The following USP4 variants were observed in gnomAD, a reference collection of about 807,000 sequenced individuals.
USP4 encodes the protein ubiquitin carboxyl-terminal hydrolase 4.
A neutral mutation model predicts 118.2 loss-of-function variants in USP4; 72 were observed. That is an observed-to-expected ratio of 0.61 (90% CI 0.50 to 0.74). The LOEUF (loss-of-function observed/expected upper bound fraction) is 0.74, where lower values mean the gene tolerates loss of function less well. Ranked by LOEUF, USP4 falls within the 30% of genes least tolerant of loss-of-function variation. The pLI is 0.00. For missense variants in USP4, 1,037 were observed against 1,185.7 expected, an observed-to-expected ratio of 0.87 and a Z score of 1.84; for synonymous variants, 415 against 440.4, an observed-to-expected ratio of 0.94 and a Z score of 0.72.
chr3:49,327,645 G>A (rs992222136), intron 3 of USP4, 41 bp downstream of exon 3: 2 of 1,611,594 alleles, frequency 1.2e-6, no homozygotes, highest in Non-Finnish European at 1.7e-6. Flanking sequence ...GAAAGCACCT[G>A]CAGACAGTGA....
At chr3:49,305,218 G>A (rs1411059118) in intron 9 of USP4, among the ~76,000 whole-genome samples, 1 of 146,732 alleles carries the variant, frequency 6.8e-6, no homozygotes. Flanking sequence ...GACTACAGGC[G>A]CCTGCCATCA....
Position 49,302,299 on chromosome 3 carries a change from T to G in USP4, c.1287+85A>C, listed in dbSNP as rs1016456762. On this transcript the variant is annotated intron_variant, in intron 10 of 21. Coordinates refer to ENST00000265560, the MANE Select transcript of USP4 (RefSeq NM_003363.4). ...GCAACCAGGGCCCTGGCAACAACAC[T>G]CAAAGACCAGAAGAATATCCCTGCA... 2.0e-5 allele frequency: 28 copies of G among 1,432,370 alleles called. No homozygotes were observed. In the African/African-American group the frequency reaches 3.8e-4, roughly 19 times the overall value. The allele number at this position is 1,432,370 out of a possible 1,614,324, so 88.7% of individuals were successfully genotyped here.
At chr3:49,294,340 T>G in intron 14 of USP4, 67 bp downstream of exon 14, 1 of 1,510,120 alleles carries the variant, frequency 6.6e-7, no homozygotes, top group East Asian at 2.3e-5. Context: ...TTGGCAGGAG[T>G]TGCCACTACT....
At chr3:49,299,861 A>ACT (rs1430505410) in intron 11 of USP4, among the ~76,000 whole-genome samples, 1 of 152,158 alleles carries the variant, frequency 6.6e-6, no homozygotes, top group East Asian at 1.9e-4. Flanking sequence ...CTGAGTACGA[A>ACT]AAGAACCGTG....
chr3:49,304,629 G>A (rs969323605), intron 9 of USP4, among the ~76,000 whole-genome samples: 19 of 152,112 alleles, frequency 1.2e-4, no homozygotes, highest in African/African-American at 4.3e-4. Context: ...GGTCTCTGTC[G>A]CCAAGGCTGG....
At chr3:49,329,906 G>A (rs753795157) in intron 2 of USP4, among the ~76,000 whole-genome samples, 5 of 152,120 alleles carry the variant, frequency 3.3e-5, no homozygotes, top group Non-Finnish European at 7.3e-5. Context: ...TCGGCAGGCT[G>A]AGGCGGGAGG....
rs2047088992 is a variant in USP4, at chr3:49,286,167, G to A, written c.2131C>T (p.Leu711Phe). The A allele has an allele frequency of 6.2e-7, 1 of 1,614,186 alleles. No individual in the cohort carries two copies. Among genetic ancestry groups the A allele is most frequent in the South Asian group, 1.1e-5 (1 of 91,086 alleles). The stretch of plus-strand genomic sequence containing the variant: ...TCAGCTGTTCCATAGGAGTTCACAA[G>A]ACTGAAGGTAAAAAGCCTTTTTGGG... ...PCPKRLFTFS[L>F]VNSYGTADIN... is the part of the protein sequence containing the mutation. The change falls in exon 16 of 22, where the codon CTT becomes TTT. Residue 711 changes from leucine to phenylalanine, a missense_variant. Around this residue, in one of 3 missense-constraint regions of USP4, gnomAD observed 522 missense variants for 592.6 expected, o/e 0.88. Coordinates refer to ENST00000265560, the MANE Select transcript of USP4 (RefSeq NM_003363.4).
chr3:49,303,977 T>G (rs954605770), intron 9 of USP4, among the ~76,000 whole-genome samples: 1 of 152,060 alleles, frequency 6.6e-6, no homozygotes, highest in African/African-American at 2.4e-5. Context: ...GGTCTTGAAC[T>G]CCTGACCTCA....
chr3:49,335,581 G>C lies in USP4; in HGVS notation c.117C>G (p.Ser39Arg). ...QRGAQWYLID[S>R]RWFKQWKKYV... is the part of the protein sequence containing the mutation. ...ACTTCTTCCACTGCTTGAACCACCGGCTGTCAATAAGATACCTAGAGAGAG... is the reference window on the plus strand; with the variant it reads ...ACTTCTTCCACTGCTTGAACCACCGCCTGTCAATAAGATACCTAGAGAGAG... The change falls in exon 2 of 22, where the codon AGC becomes AGG. Residue 39 changes from serine to arginine, a missense_variant. This residue lies in a region of USP4 where 487 missense variants were observed against 534.1 expected (regional missense o/e 0.91). Transcript: ENST00000265560. The C allele has an allele frequency of 1.2e-6, 2 of 1,614,156 alleles. No individual in the cohort carries two copies. The highest frequency in any genetic ancestry group is 1.7e-6 in the Non-Finnish European group (2 of 1,180,032).
At chr3:49,327,929 G>A (rs947666723) in intron 2 of USP4, 113 bp from the exon 3 acceptor site, 181 of 1,132,450 alleles carry the variant, frequency 1.6e-4, no homozygotes, top group Non-Finnish European at 2.1e-4. Flanking sequence ...AAAGAAACAG[G>A]AATGAAATTC....
chr3:49,311,801 G>A, intron 6 of USP4, 147 bp from the exon 7 acceptor site: 2 of 1,366,794 alleles, frequency 1.5e-6, no homozygotes, highest in Admixed American at 3.0e-5. Flanking sequence ...CTACTTCAAG[G>A]TAAACTTTAT....
intron 2 of USP4, among the ~76,000 whole-genome samples, chr3:49,330,610 C>T (rs1183737552): frequency 2.0e-5 from 3 of 151,764 alleles, no homozygotes; most frequent in African/African-American, 7.3e-5. Context: ...GGATAACAGG[C>T]GTAAGCCACT....
intron 9 of USP4, among the ~76,000 whole-genome samples, chr3:49,305,012 T>G (rs1284810007): frequency 1.3e-5 from 2 of 151,694 alleles, no homozygotes; most frequent in Non-Finnish European, 2.9e-5. Context: ...TCTGCCCGCC[T>G]CAGCCTCCCA....
At chr3:49,319,179 T>C (rs1173964606) in intron 6 of USP4, among the ~76,000 whole-genome samples, 2 of 151,980 alleles carry the variant, frequency 1.3e-5, no homozygotes, top group Admixed American at 6.6e-5. Flanking sequence ...ACTGACTCTA[T>C]TGGTAGGTTT....
Position 49,327,023 on chromosome 3 carries a change from A to T in USP4, c.360+663T>A, listed in dbSNP as rs190700840. ...CTCAAAGACTCTTAAGCATAGAGGG[A>T]AAAGCAGTATCATAAAGGTTTTTTA... On this transcript the variant is annotated intron_variant, in intron 3 of 21. Coordinates refer to ENST00000265560, the MANE Select transcript of USP4 (RefSeq NM_003363.4). Among the ~76,000 whole-genome samples, 3 of 152,268 alleles carry T rather than the reference A, an allele frequency of 2.0e-5. No homozygotes were observed. In the East Asian group the frequency reaches 5.8e-4, roughly 29 times the overall value.
rs552777565 is a variant in USP4 at position 49,312,464 on chromosome 3, G to A, written c.696-810C>T. The A allele has an allele frequency of 1.3e-4, 59 of 452,462 alleles. 2 individuals are homozygous for A. Among genetic ancestry groups the A allele is most frequent in the South Asian group, 8.9e-4 (57 of 64,290 alleles). 28.0% of individuals were successfully genotyped at this position (452,462 alleles called of 1,614,324 possible). On this transcript the variant is annotated intron_variant, in intron 6 of 21. Coordinates refer to ENST00000265560, the MANE Select transcript of USP4 (RefSeq NM_003363.4). ...GCACTCCAGCTTGGTGACAGAGTGA[G>A]ACTCCATCTCAAAAAAAAAAAAATT... is the stretch of plus-strand genomic sequence containing the variant.
At chr3:49,298,518 A>G (rs2107777715) in intron 12 of USP4, 34 bp downstream of exon 12, 1 of 1,607,514 alleles carries the variant, frequency 6.2e-7, no homozygotes, top group Non-Finnish European at 8.5e-7. Flanking sequence ...AAGTATCCCA[A>G]ATAGACCGAG....
At chr3:49,339,152 C>G (rs2047705963) in intron 1 of USP4, among the ~76,000 whole-genome samples, 1 of 152,106 alleles carries the variant, frequency 6.6e-6, no homozygotes, top group Admixed American at 6.6e-5. Context: ...CATCTCAAAA[C>G]AAAACAAAAC....
rs41290700 is a variant in USP4, at chr3:49,283,991, T to A, written c.2536A>T (p.Ile846Phe). The A allele has an allele frequency of 3.7e-6, 6 of 1,614,226 alleles. No individual in the cohort carries two copies. The Admixed American group carries it at 6.7e-5, about 18-fold the overall frequency. Residue 846 changes from isoleucine (I) to phenylalanine (F), a missense_variant, in exon 19 of 22, where the codon ATC (isoleucine) becomes TTC (phenylalanine). Transcript: ENST00000265560. ...ACTGTAGTCACCATGACCCACCTGA[T>A]TGGGAATTCTACGACTGTGTCGAGC... The part of the protein sequence containing the change: ...DKLDTVVEFP[I>F]RGLNMSEFVC...
Sources: gnomAD v4.1 joint callset for allele counts (sites outside exome capture counted in the v4.1 genomes callset) on GRCh38, gnomAD v4.1.1 for gene constraint, gnomAD v4.1.1 regional missense constraint, MANE v1.5 for transcripts, NCBI Gene and HGNC (gene_info 2026-07-23, HGNC 2026-07-21) for gene names.